ADAMTS6: variants seen among roughly 807,000 people sequenced by gnomAD.
ADAMTS6 encodes ADAM metallopeptidase with thrombospondin type 1 motif 6, also known as A disintegrin and metalloproteinase with thrombospondin motifs 6.
A neutral mutation model predicts 144.3 loss-of-function variants in ADAMTS6; 23 were observed. That is an observed-to-expected ratio of 0.16 (90% confidence interval 0.11 to 0.23). The LOEUF (loss-of-function observed/expected upper bound fraction) is 0.23. Ranked by LOEUF, ADAMTS6 falls within the 10% of genes least tolerant of loss-of-function variation. The pLI, the probability that ADAMTS6 is intolerant of heterozygous loss-of-function variation, is 1.00. For synonymous variants in ADAMTS6, 444 were observed against 457.5 expected, an observed-to-expected ratio of 0.97 and a Z score of 0.38; for missense variants, 999 against 1,379.6, an observed-to-expected ratio of 0.72 and a Z score of 4.37.
intron 2 of ADAMTS6, among the ~76,000 whole-genome samples, chr5:65,472,303 G>A (rs1029526978): frequency 6.6e-6 from 1 of 152,094 alleles, no homozygotes; most frequent in Non-Finnish European, 1.5e-5. Context: ...ATTTGGAAGT[G>A]ACCACTAAGA....
At chr5:65,227,147 TATGAA>T (rs1178049256) in intron 15 of ADAMTS6, among the ~76,000 whole-genome samples, 2 of 152,330 alleles carry the variant, frequency 1.3e-5, no homozygotes, top group East Asian at 3.9e-4. Flanking sequence ...GATTAATTCT[TATGAA>T]ATTAGCCAAG....
intron 7 of ADAMTS6, among the ~76,000 whole-genome samples, chr5:65,396,454 G>A (rs1225257870): frequency 6.6e-6 from 1 of 152,088 alleles, no homozygotes; most frequent in Non-Finnish European, 1.5e-5. Flanking sequence ...TCTGTCTATG[G>A]CCACCCAGTT....
intron 14 of ADAMTS6, among the ~76,000 whole-genome samples, chr5:65,247,971 A>C (rs1260442931): frequency 2.0e-5 from 3 of 152,162 alleles, no homozygotes; most frequent in Non-Finnish European, 4.4e-5. Flanking sequence ...TTTGAAATCC[A>C]ACCCCTGCCA....
chr5:65,358,430 T>C (rs141162804), intron 7 of ADAMTS6, among the ~76,000 whole-genome samples: 20 of 152,094 alleles, frequency 1.3e-4, no homozygotes, highest in African/African-American at 4.6e-4. Flanking sequence ...GCAATCAATA[T>C]TGTCAAAATT....
chr5:65,285,014 G>C (rs1358839120), intron 11 of ADAMTS6, among the ~76,000 whole-genome samples: 1 of 152,128 alleles, frequency 6.6e-6, no homozygotes, highest in Non-Finnish European at 1.5e-5. Context: ...TGGCAGAGCT[G>C]TTTTAGTACT....
intron 10 of ADAMTS6, among the ~76,000 whole-genome samples, chr5:65,298,280 G>A (rs1385239155): frequency 1.3e-5 from 2 of 151,802 alleles, no homozygotes; most frequent in African/African-American, 4.8e-5. Flanking sequence ...AGATAAAAGA[G>A]AAAAGAAAAT....
At chr5:65,469,788 G>A (rs1033948150) in intron 3 of ADAMTS6, among the ~76,000 whole-genome samples, 3 of 152,074 alleles carry the variant, frequency 2.0e-5, no homozygotes, top group Non-Finnish European at 4.4e-5. Flanking sequence ...TCGAATTATA[G>A]TTATTTTATA....
intron 14 of ADAMTS6, among the ~76,000 whole-genome samples, chr5:65,245,625 TC>T: frequency 6.6e-6 from 1 of 152,170 alleles, no homozygotes; most frequent in Middle Eastern, 3.2e-3. Flanking sequence ...ATCATCATCA[TC>T]ATCATGAACT....
At position 65,452,724 on chromosome 5, in the gene ADAMTS6, A is replaced by G. The variant is rs1352303504; in HGVS notation, c.826T>C (p.Leu276=). The part of the protein sequence containing the change: ...HGRKDIEHYI[L]SVMNIVAKLY... Reference sequence around the variant, plus strand: ...AAACTTACAATATTCATCACACTCAAAATGTAATGTTCAATGTCTTTGCGG... The same window carrying G: ...AAACTTACAATATTCATCACACTCAGAATGTAATGTTCAATGTCTTTGCGG... Residue 276 remains leucine, a synonymous_variant, in exon 5 of 25, where the codon TTG becomes CTG. Transcript: ENST00000381055. 1 of 1,614,072 alleles carries G rather than the reference A, an allele frequency of 6.2e-7. No individual in the cohort carries two copies. The highest frequency in any genetic ancestry group is 1.7e-5 in the Admixed American group (1 of 60,020).
intron 3 of ADAMTS6, among the ~76,000 whole-genome samples, chr5:65,462,706 A>C (rs569715230): frequency 6.6e-6 from 1 of 152,226 alleles, no homozygotes; most frequent in Non-Finnish European, 1.5e-5. Context: ...CAAGGCAGAT[A>C]CTATGCTATG....
At chr5:65,300,187 A>T in intron 9 of ADAMTS6, 56 bp from the exon 10 acceptor site, 1 of 1,527,186 alleles carries the variant, frequency 6.5e-7, no homozygotes, top group East Asian at 2.3e-5. Context: ...ACCCCAACAC[A>T]TCCCTTATTT....
intron 7 of ADAMTS6, among the ~76,000 whole-genome samples, chr5:65,354,189 T>G (rs1345480795): frequency 6.6e-6 from 1 of 151,870 alleles, no homozygotes. Context: ...TTTTCATTTT[T>G]TTCATTTAAT....
chr5:65,290,749 CTG>C, intron 11 of ADAMTS6, among the ~76,000 whole-genome samples: 1 of 152,148 alleles, frequency 6.6e-6, no homozygotes, highest in East Asian at 1.9e-4. Flanking sequence ...GATGTAGACA[CTG>C]TGACTTTTTT....
intron 11 of ADAMTS6, 146 bp from the exon 12 acceptor site, chr5:65,273,593 G>A (rs1423425): frequency 1.0e-4 from 56 of 550,236 alleles, no homozygotes; most frequent in African/African-American, 9.8e-4. Context: ...GATTTTGGAG[G>A]AGGTTTTTAT....
chr5:65,399,286 A>G (rs1005778693), intron 7 of ADAMTS6, among the ~76,000 whole-genome samples: 2 of 152,192 alleles, frequency 1.3e-5, no homozygotes, highest in African/African-American at 4.8e-5. Context: ...TAGACAACAT[A>G]TAGTTTCATT....
At position 65,371,063 on chromosome 5, in the gene ADAMTS6, CCTGT is replaced by C. The variant is rs934767693; in HGVS notation, c.1074-36982_1074-36979del. On this transcript the variant is annotated intron_variant, in intron 7 of 24. Coordinates refer to ENST00000381055, the MANE Select transcript of ADAMTS6 (RefSeq NM_197941.4). ...CTCCAACAGACCTGCAGCTGAGTGT[CCTGT>C]CTGTTAGAAGGAAAACTAACAAATA... 9.9e-5 allele frequency among the ~76,000 whole-genome samples: 15 copies of C among 152,124 alleles called. 1 individual carries two copies. The highest frequency in any genetic ancestry group is 2.2e-4 in the Non-Finnish European group (15 of 68,018).
intron 1 of ADAMTS6, among the ~76,000 whole-genome samples, chr5:65,474,732 C>T (rs1460237573): frequency 1.5e-5 from 2 of 134,412 alleles, no homozygotes; most frequent in African/African-American, 2.8e-5. Context: ...TCCCCGCATA[C>T]AGCAGATCAG....
intron 14 of ADAMTS6, among the ~76,000 whole-genome samples, chr5:65,243,323 G>T (rs1759352673): frequency 6.6e-6 from 1 of 152,024 alleles, no homozygotes. Flanking sequence ...ACAGTACATT[G>T]TAAATGGTCA....
intron 1 of ADAMTS6, among the ~76,000 whole-genome samples, chr5:65,474,998 G>GTC (rs1760747364): frequency 6.6e-6 from 1 of 151,800 alleles, no homozygotes; most frequent in Admixed American, 6.6e-5. Context: ...GTTTAATAAG[G>GTC]TAAGTTACTG....
Sources: allele counts gnomAD v4.1 joint callset (sites outside exome capture counted in the v4.1 genomes callset), GRCh38; gene constraint gnomAD v4.1.1; transcripts MANE v1.5; gene names NCBI Gene and HGNC (gene_info 2026-07-23, HGNC 2026-07-21).